Variants in ENAH observed in about 807,000 individuals in gnomAD.
The protein encoded by ENAH is ENAH actin regulator, also known as protein enabled homolog.
Under a neutral mutation model 78.7 loss-of-function variants are expected in ENAH, and 23 were observed. The ratio of observed to expected loss-of-function variants is 0.29; its 90% CI spans 0.21 to 0.41. ENAH has a LOEUF of 0.41. ENAH is among the 10% of genes least tolerant of loss of function. The pLI is 1.00. For missense variants in ENAH, 544 were observed against 691.0 expected (o/e 0.79, Z 2.39); for synonymous variants, 226 against 241.0 (o/e 0.94, Z 0.58).
chr1:225,507,141 C>T (rs1225209450), intron 11 of ENAH, among the ~76,000 whole-genome samples: 1 of 152,074 alleles, frequency 6.6e-6, no homozygotes, highest in African/African-American at 2.4e-5. Flanking sequence ...AATATGCCCA[C>T]ATGTACTTGT....
chr1:225,518,620 T>C (rs1266350784), intron 5 of ENAH, among the ~76,000 whole-genome samples: 1 of 152,208 alleles, frequency 6.6e-6, no homozygotes, highest in African/African-American at 2.4e-5. Flanking sequence ...AATGTTAATT[T>C]TAATAAACGT....
chr1:225,622,100 G>GT (rs2148266623), intron 1 of ENAH, among the ~76,000 whole-genome samples: 1 of 152,318 alleles, frequency 6.6e-6, no homozygotes, highest in African/African-American at 2.4e-5. Context: ...TTAAGACCAT[G>GT]TAACAACATG....
chr1:225,602,351 A>C (rs2096935176), intron 1 of ENAH, among the ~76,000 whole-genome samples: 1 of 152,174 alleles, frequency 6.6e-6, no homozygotes, highest in Non-Finnish European at 1.5e-5. Context: ...AGAAAGTTAA[A>C]AAGAACAAAA....
At chr1:225,526,094 C>G (rs1240016553) in intron 4 of ENAH, among the ~76,000 whole-genome samples, 1 of 152,134 alleles carries the variant, frequency 6.6e-6, no homozygotes, top group Admixed American at 6.5e-5. Context: ...GACCTTTGAT[C>G]TAGACGATCA....
intron 1 of ENAH, among the ~76,000 whole-genome samples, chr1:225,614,274 G>A (rs2097010943): frequency 6.6e-6 from 1 of 152,098 alleles, no homozygotes; most frequent in Admixed American, 6.6e-5. Flanking sequence ...GGCAAGGATG[G>A]TCTCGAACTC....
In ENAH at chr1:225,504,980, C is replaced by G. The variant is rs1302245941; in HGVS notation, c.1538+2971G>C. ...AAAGTCTCAAATCACAACGTCACAG[C>G]AGGATGATACCTGTGTAATGAATCA... is the stretch of plus-strand genomic sequence containing the variant. On this transcript the variant is annotated intron_variant, in intron 11 of 13. Coordinates refer to ENST00000366843, the MANE Select transcript of ENAH (RefSeq NM_018212.6). 3.7e-6 allele frequency: 6 copies of G among 1,604,626 alleles called. No individual in the cohort carries two copies. The Admixed American group carries it at 1.0e-4, about 27-fold the overall frequency.
intron 1 of ENAH, among the ~76,000 whole-genome samples, chr1:225,581,553 G>A (rs984288421): frequency 6.6e-6 from 1 of 152,094 alleles, no homozygotes; most frequent in Non-Finnish European, 1.5e-5. Flanking sequence ...GATCAAGAAA[G>A]AAAAACTAAA....
At chr1:225,596,291 T>C (rs2096901625) in intron 1 of ENAH, among the ~76,000 whole-genome samples, 1 of 152,186 alleles carries the variant, frequency 6.6e-6, no homozygotes, top group African/African-American at 2.4e-5. Flanking sequence ...GAATTTATAT[T>C]TTACTTAGGG....
At chr1:225,620,225 T>G (rs1656553929) in intron 1 of ENAH, among the ~76,000 whole-genome samples, 1 of 151,902 alleles carries the variant, frequency 6.6e-6, no homozygotes, top group Non-Finnish European at 1.5e-5. Flanking sequence ...GTTTCAACAC[T>G]TCGTCACTAG....
At chr1:225,623,228 T>C (rs1228292039) in intron 1 of ENAH, among the ~76,000 whole-genome samples, 1 of 152,150 alleles carries the variant, frequency 6.6e-6, no homozygotes, top group African/African-American at 2.4e-5. Context: ...CAAAGTAAAT[T>C]CATTCCCTTG....
At chr1:225,531,119 C>T in intron 3 of ENAH, 1 of 398,060 alleles carries the variant, frequency 2.5e-6, no homozygotes. Flanking sequence ...CTCCAGTATG[C>T]TAAAGCATTT....
intron 1 of ENAH, among the ~76,000 whole-genome samples, chr1:225,575,212 T>C (rs1377018670): frequency 6.6e-6 from 1 of 152,150 alleles, no homozygotes; most frequent in Non-Finnish European, 1.5e-5. Flanking sequence ...TACCCTTTGT[T>C]CACAATGCTC....
At chr1:225,593,378 G>A (rs535638358) in intron 1 of ENAH, among the ~76,000 whole-genome samples, 2 of 127,954 alleles carry the variant, frequency 1.6e-5, no homozygotes, top group Non-Finnish European at 3.2e-5. Flanking sequence ...CTTGCACACT[G>A]CAGCCTGCCC....
chr1:225,637,089 A>C (rs1660196318), intron 1 of ENAH, among the ~76,000 whole-genome samples: 1 of 152,226 alleles, frequency 6.6e-6, no homozygotes, highest in Non-Finnish European at 1.5e-5. Context: ...CATGGGGAGT[A>C]TTGAAAGGCA....
chr1:225,534,109 T>C (rs568486500), intron 3 of ENAH, among the ~76,000 whole-genome samples: 33 of 152,216 alleles, frequency 2.2e-4, no homozygotes, highest in African/African-American at 7.7e-4. Flanking sequence ...TAGAAAGGCA[T>C]ACAACATTGG....
chr1:225,505,205 A>AT (rs930580795), intron 11 of ENAH: 5 of 535,280 alleles, frequency 9.3e-6, no homozygotes, highest in Admixed American at 3.5e-5. Flanking sequence ...AATAAAAGAT[A>AT]TTTTAAGATT....
At chr1:225,628,785 T>C (rs1164215793) in intron 1 of ENAH, among the ~76,000 whole-genome samples, 1 of 151,144 alleles carries the variant, frequency 6.6e-6, no homozygotes, top group African/African-American at 2.4e-5. Flanking sequence ...TGCATGCCTG[T>C]AATCCCAGCT....
At chr1:225,532,471 A>G (rs2096542772) in intron 3 of ENAH, among the ~76,000 whole-genome samples, 1 of 152,114 alleles carries the variant, frequency 6.6e-6, no homozygotes, top group Non-Finnish European at 1.5e-5. Flanking sequence ...TACCTCAAAG[A>G]AGAATGCAAT....
At chr1:225,633,933 T>C (rs116294637) in intron 1 of ENAH, among the ~76,000 whole-genome samples, 10 of 152,348 alleles carry the variant, frequency 6.6e-5, no homozygotes, top group Non-Finnish European at 1.5e-4. Context: ...GGACATTTAA[T>C]ATCAGGTCTT....
Sources: gnomAD v4.1 joint callset for allele counts (sites outside exome capture counted in the v4.1 genomes callset) on GRCh38, gnomAD v4.1.1 for gene constraint, MANE v1.5 for transcripts, NCBI Gene and HGNC (gene_info 2026-07-23, HGNC 2026-07-21) for gene names.